GPC5: variants seen among roughly 807,000 people sequenced by gnomAD.
The protein encoded by GPC5 is glypican 5, also known as glypican-5.
A neutral mutation model predicts 53.9 loss-of-function variants in GPC5; 47 were observed. That is an observed-to-expected ratio of 0.87 (90% confidence interval 0.69 to 1.11). The LOEUF is 1.11. Ranked by LOEUF, GPC5 falls within the 50% of genes most tolerant of loss-of-function variation. The probability of loss-of-function intolerance (pLI) is 0.00; values close to 1 mark genes in which losing one functional copy is unlikely to be tolerated. For synonymous variants in GPC5, 286 were observed against 263.3 expected, an observed-to-expected ratio of 1.09 and a Z score of -0.84; for missense variants, 748 against 713.1, an observed-to-expected ratio of 1.05 and a Z score of -0.56.
intron 7 of GPC5, chr13:92,484,800 T>C (rs2139437331): frequency 6.6e-6 from 1 of 152,320 alleles, no homozygotes. Context: ...AGTGGCACGA[T>C]CTCGGCTCAC....
intron 6 of GPC5, among the ~76,000 whole-genome samples, chr13:91,949,074 C>G (rs1270058901): frequency 1.3e-5 from 2 of 152,114 alleles, no homozygotes; most frequent in Non-Finnish European, 2.9e-5. Context: ...TCATACATAA[C>G]TCATGGCACA....
At chr13:92,222,565 C>A (rs548724657) in intron 7 of GPC5, among the ~76,000 whole-genome samples, 1 of 152,254 alleles carries the variant, frequency 6.6e-6, no homozygotes, top group African/African-American at 2.4e-5. Context: ...CTATTTCTTT[C>A]ACTGTTGTAT....
chr13:92,612,265 G>A (rs968732902), intron 7 of GPC5, among the ~76,000 whole-genome samples: 1 of 152,032 alleles, frequency 6.6e-6, no homozygotes, highest in African/African-American at 2.4e-5. Flanking sequence ...AGCAATCAAA[G>A]CACATCACGA....
chr13:92,376,955 C>T (rs1258485270), intron 7 of GPC5, among the ~76,000 whole-genome samples: 1 of 151,764 alleles, frequency 6.6e-6, no homozygotes, highest in Non-Finnish European at 1.5e-5. Flanking sequence ...GCGGAGGTTG[C>T]AGTGAGCCGA....
rs145843952 is a variant in GPC5, at chr13:91,450,285, G to A, written c.325+1363G>A. On this transcript the variant is annotated intron_variant, in intron 2 of 7. Coordinates refer to ENST00000377067, the MANE Select transcript of GPC5 (RefSeq NM_004466.6). ...TGATATACATTTTAAACCAAGATTT[G>A]TGATTTAGCTGAGTTAGAAGCCGTT... is the stretch of plus-strand genomic sequence containing the variant. Among the ~76,000 whole-genome samples, 207 of 152,272 alleles carry A rather than the reference G, an allele frequency of 1.4e-3. 1 individual carries two copies. Among genetic ancestry groups the A allele is most frequent in the African/African-American group, 4.5e-3 (189 of 41,558 alleles).
At chr13:92,468,862 C>A (rs1194698408) in intron 7 of GPC5, among the ~76,000 whole-genome samples, 1 of 152,110 alleles carries the variant, frequency 6.6e-6, no homozygotes, top group Non-Finnish European at 1.5e-5. Flanking sequence ...CTTAGAAAAA[C>A]CACCTTCAGT....
intron 6 of GPC5, among the ~76,000 whole-genome samples, chr13:91,924,709 C>T (rs1440412373): frequency 1.3e-5 from 2 of 152,038 alleles, no homozygotes; most frequent in Admixed American, 1.3e-4. Context: ...CCACTGCATT[C>T]CAGCCTGGGT....
At chr13:92,645,480 T>G (rs2139157033) in intron 7 of GPC5, among the ~76,000 whole-genome samples, 1 of 152,368 alleles carries the variant, frequency 6.6e-6, no homozygotes, top group African/African-American at 2.4e-5. Flanking sequence ...ACTTTTTTAC[T>G]TAGCATAATG....
intron 7 of GPC5, among the ~76,000 whole-genome samples, chr13:92,155,075 T>C (rs549476108): frequency 6.6e-6 from 1 of 152,196 alleles, no homozygotes; most frequent in Non-Finnish European, 1.5e-5. Flanking sequence ...ATTGTAACTA[T>C]ATAATGCTCA....
At chr13:92,535,760 C>T (rs2138994240) in intron 7 of GPC5, among the ~76,000 whole-genome samples, 1 of 151,768 alleles carries the variant, frequency 6.6e-6, no homozygotes, top group Non-Finnish European at 1.5e-5. Context: ...CTTTTATTTG[C>T]CTTAGAAATT....
chr13:91,942,461 C>A (rs1210147840), intron 6 of GPC5, among the ~76,000 whole-genome samples: 1 of 151,988 alleles, frequency 6.6e-6, no homozygotes, highest in Non-Finnish European at 1.5e-5. Context: ...GATTAATTCT[C>A]CCTTTAGTCT....
chr13:91,870,216 T>C (rs2039129016), intron 5 of GPC5, among the ~76,000 whole-genome samples: 2 of 152,134 alleles, frequency 1.3e-5, no homozygotes, highest in African/African-American at 4.8e-5. Context: ...TCTCTAAAGA[T>C]GAAGAACTCC....
chr13:91,927,948 T>A (rs550312291), intron 6 of GPC5, among the ~76,000 whole-genome samples: 1 of 152,286 alleles, frequency 6.6e-6, no homozygotes, highest in East Asian at 1.9e-4. Flanking sequence ...TCAGGAGACA[T>A]TCTTGAGGTA....
intron 6 of GPC5, among the ~76,000 whole-genome samples, chr13:92,016,681 C>G (rs2040710171): frequency 1.3e-5 from 2 of 151,568 alleles, no homozygotes; most frequent in South Asian, 4.2e-4. Flanking sequence ...GCCATTTTAA[C>G]TAAAATCCTG....
chr13:92,563,461 T>C (rs746748860), intron 7 of GPC5, among the ~76,000 whole-genome samples: 2 of 152,012 alleles, frequency 1.3e-5, no homozygotes, highest in Non-Finnish European at 2.9e-5. Context: ...TTGCATGAAA[T>C]ATAATTTTTG....
intron 7 of GPC5, among the ~76,000 whole-genome samples, chr13:92,703,326 A>T (rs1001727181): frequency 6.6e-6 from 1 of 151,538 alleles, no homozygotes; most frequent in African/African-American, 2.4e-5. Context: ...AGGAGAGCTC[A>T]ATCTTTATCC....
chr13:92,108,490 A>C (rs771264734), intron 6 of GPC5, among the ~76,000 whole-genome samples: 1 of 152,198 alleles, frequency 6.6e-6, no homozygotes, highest in East Asian at 1.9e-4. Flanking sequence ...TTTGAGCTCC[A>C]GTGTCTTATC....
intron 7 of GPC5, among the ~76,000 whole-genome samples, chr13:92,861,569 G>T (rs1879185430): frequency 6.6e-6 from 1 of 152,040 alleles, no homozygotes; most frequent in South Asian, 2.1e-4. Flanking sequence ...AACATTTGTA[G>T]TTTTCACATG....
intron 5 of GPC5, among the ~76,000 whole-genome samples, chr13:91,879,389 G>A (rs1294402687): frequency 2.0e-5 from 3 of 152,018 alleles, no homozygotes; most frequent in Non-Finnish European, 2.9e-5. Context: ...TAAATATCTG[G>A]AATTGGGCTG....
Sources: gnomAD v4.1 joint callset for allele counts (sites outside exome capture counted in the v4.1 genomes callset) on GRCh38, gnomAD v4.1.1 for gene constraint, MANE v1.5 for transcripts, NCBI Gene and HGNC (gene_info 2026-07-23, HGNC 2026-07-21) for gene names.